Variants in ANKRD31 observed in about 807,000 individuals in gnomAD.
ANKRD31 encodes the protein ankyrin repeat domain-containing protein 31.
ANKRD31 carries 147 observed loss-of-function variants against 186.0 expected under a neutral mutation model. That is an observed-to-expected ratio of 0.79 (90% CI 0.69 to 0.91). The LOEUF (loss-of-function observed/expected upper bound fraction) is 0.91. Among genes scored for constraint, ANKRD31 ranks in the 40% least tolerant of loss-of-function variants. ANKRD31 has a pLI of 0.00. For missense variants in ANKRD31, 1,986 were observed against 2,148.8 expected, an observed-to-expected ratio of 0.92 and a Z score of 1.50; for synonymous variants, 673 against 736.4, an observed-to-expected ratio of 0.91 and a Z score of 1.39.
intron 2 of ANKRD31, 79 bp from the exon 3 acceptor site, chr5:75,222,437 C>T (rs1280240033): frequency 1.0e-6 from 1 of 964,014 alleles, no homozygotes; most frequent in Non-Finnish European, 1.5e-6. Context: ...ATTTTATACG[C>T]ATGCAAAATG....
intron 25 of ANKRD31, among the ~76,000 whole-genome samples, chr5:75,071,953 C>A (rs1372875415): frequency 6.6e-6 from 1 of 152,188 alleles, no homozygotes; most frequent in African/African-American, 2.4e-5. Context: ...CATCACTTTA[C>A]ACTTGTGCTC....
At chr5:75,145,858 C>G in intron 14 of ANKRD31, 129 bp downstream of exon 14, 1 of 815,122 alleles carries the variant, frequency 1.2e-6, no homozygotes, top group Non-Finnish European at 1.8e-6. Flanking sequence ...AGTGGCATCT[C>G]AAAATATGGC....
At chr5:75,103,179 C>G (rs1053538139) in intron 22 of ANKRD31, among the ~76,000 whole-genome samples, 1 of 152,170 alleles carries the variant, frequency 6.6e-6, no homozygotes, top group Non-Finnish European at 1.5e-5. Flanking sequence ...AATAGGGAAT[C>G]ATTTCCCCAT....
At chr5:75,196,353 CTT>C (rs1214244181) in intron 6 of ANKRD31, among the ~76,000 whole-genome samples, 153 bp from the exon 7 acceptor site, 19 of 152,258 alleles carry the variant, frequency 1.2e-4, no homozygotes, top group Admixed American at 1.2e-3. Context: ...AGGGAATACT[CTT>C]TATTGCTTTC....
At chr5:75,136,439 A>T (rs1004601557) in intron 17 of ANKRD31, among the ~76,000 whole-genome samples, 4 of 152,264 alleles carry the variant, frequency 2.6e-5, no homozygotes, top group African/African-American at 9.6e-5. Context: ...GCCATCAGAG[A>T]AATGAAAATC....
chr5:75,179,446 G>C (rs1267433070), intron 10 of ANKRD31, among the ~76,000 whole-genome samples: 1 of 152,138 alleles, frequency 6.6e-6, no homozygotes, highest in Non-Finnish European at 1.5e-5. Flanking sequence ...GAGAATTTTA[G>C]ACCAATATCC....
chr5:75,175,550 G>A (rs955857223), intron 10 of ANKRD31, among the ~76,000 whole-genome samples: 2 of 151,854 alleles, frequency 1.3e-5, no homozygotes, highest in African/African-American at 4.8e-5. Context: ...ACTGAGAGAG[G>A]CATGAGGGAA....
At chr5:75,176,116 C>G (rs995175941) in intron 10 of ANKRD31, among the ~76,000 whole-genome samples, 13 of 152,160 alleles carry the variant, frequency 8.5e-5, no homozygotes, top group African/African-American at 2.9e-4. Context: ...GGTCCTATGC[C>G]CACGGAGCTT....
chr5:75,187,110 T>TTGTG (rs57013241), intron 10 of ANKRD31, among the ~76,000 whole-genome samples: 9,165 of 116,116 alleles, frequency 0.079, 771 homozygotes, highest in African/African-American at 0.2. Context: ...TGATTCTGTT[T>TTGTG]TGTGTGTGTG....
At chr5:75,185,694 G>A (rs1282731369) in intron 10 of ANKRD31, among the ~76,000 whole-genome samples, 1 of 151,976 alleles carries the variant, frequency 6.6e-6, no homozygotes, top group East Asian at 1.9e-4. Flanking sequence ...ATAAAGAAAT[G>A]ATACATGTTT....
intron 4 of ANKRD31, among the ~76,000 whole-genome samples, chr5:75,209,205 A>G (rs1387763024): frequency 6.6e-6 from 1 of 152,202 alleles, no homozygotes; most frequent in Non-Finnish European, 1.5e-5. Flanking sequence ...ATGATTTTGT[A>G]ACATCATGCA....
At chr5:75,100,591 AT>A (rs1378255813) in intron 22 of ANKRD31, among the ~76,000 whole-genome samples, 2 of 152,156 alleles carry the variant, frequency 1.3e-5, no homozygotes, top group Non-Finnish European at 2.9e-5. Flanking sequence ...GACTTGCTTT[AT>A]GAATCTGGGT....
At chr5:75,188,306 C>G (rs1343776255) in intron 10 of ANKRD31, among the ~76,000 whole-genome samples, 187 bp downstream of exon 10, 1 of 152,138 alleles carries the variant, frequency 6.6e-6, no homozygotes, top group East Asian at 1.9e-4. Context: ...TCTCCTGCCA[C>G]CCAGTCTTCT....
chr5:75,106,060 T>C (rs1299708620), intron 21 of ANKRD31, among the ~76,000 whole-genome samples: 1 of 152,140 alleles, frequency 6.6e-6, no homozygotes, highest in African/African-American at 2.4e-5. Flanking sequence ...TTTGTGTATA[T>C]GAATATCTAT....
At chr5:75,231,589 A>G (rs1241486068) in intron 1 of ANKRD31, among the ~76,000 whole-genome samples, 1 of 152,216 alleles carries the variant, frequency 6.6e-6, no homozygotes, top group Admixed American at 6.5e-5. Flanking sequence ...AATGGACAAA[A>G]GACTTGAATA....
chr5:75,136,180 A>C (rs1322771531), intron 17 of ANKRD31, among the ~76,000 whole-genome samples: 1 of 152,220 alleles, frequency 6.6e-6, no homozygotes, highest in Non-Finnish European at 1.5e-5. Flanking sequence ...AATTAAACTA[A>C]AGAGCTCCTG....
intron 17 of ANKRD31, among the ~76,000 whole-genome samples, chr5:75,136,995 C>T (rs1750635014): frequency 6.6e-6 from 1 of 151,568 alleles, no homozygotes; most frequent in Non-Finnish European, 1.5e-5. Context: ...TGGGGAACAT[C>T]ACACACCAGG....
chr5:75,193,456 T>G lies in ANKRD31; in HGVS notation c.1153A>C (p.Arg385=). The G allele has an allele frequency of 6.5e-7, 1 of 1,537,380 alleles. No homozygotes were observed. Among genetic ancestry groups the G allele is most frequent in the Non-Finnish European group, 8.7e-7 (1 of 1,146,802 alleles). Residue 385 remains arginine (R), a synonymous_variant, in exon 8 of 26, where the codon AGG becomes CGG. Transcript: ENST00000506364. ...SSDQETACVL[R]RSSRLEKLKV... ...AGTTTTTCTAGTCTGGATGATCTCC[T>G]CAACACACACGCAGTTTCCTGATCA...
chr5:75,092,052 C>A (rs1745962665), intron 22 of ANKRD31, among the ~76,000 whole-genome samples: 1 of 152,184 alleles, frequency 6.6e-6, no homozygotes. Flanking sequence ...TCACCTTTGG[C>A]CCCACCCTCA....
Sources: allele counts gnomAD v4.1 joint callset (sites outside exome capture counted in the v4.1 genomes callset), GRCh38; gene constraint gnomAD v4.1.1; transcripts MANE v1.5; gene names NCBI Gene and HGNC (gene_info 2026-07-23, HGNC 2026-07-21).